The following ATP9B variants were observed in gnomAD, a reference collection of about 807,000 sequenced individuals.
The protein encoded by ATP9B is probable phospholipid-transporting ATPase IIB.
Under a neutral mutation model 146.1 loss-of-function variants are expected in ATP9B, and 110 were observed. That is an observed-to-expected ratio of 0.75 (90% confidence interval 0.65 to 0.88). The LOEUF (loss-of-function observed/expected upper bound fraction) is 0.88, where lower values mean the gene tolerates loss of function less well. Among genes scored for constraint, ATP9B ranks in the 40% least tolerant of loss-of-function variants. The probability of loss-of-function intolerance (pLI) is 0.00; values close to 1 mark genes in which losing one functional copy is unlikely to be tolerated. For synonymous variants in ATP9B, 604 were observed against 569.7 expected (o/e 1.06, Z -0.86); for missense variants, 1,499 against 1,496.4 (o/e 1.00, Z -0.03).
chr18:79,171,514 T>G (rs1025806567), intron 7 of ATP9B, among the ~76,000 whole-genome samples: 1 of 152,178 alleles, frequency 6.6e-6, no homozygotes, highest in Non-Finnish European at 1.5e-5. Context: ...TAATGACTCC[T>G]GGGAAGTTGC....
intron 5 of ATP9B, among the ~76,000 whole-genome samples, chr18:79,135,826 A>G (rs1040482159): frequency 6.6e-6 from 1 of 152,018 alleles, no homozygotes; most frequent in Non-Finnish European, 1.5e-5. Flanking sequence ...ATTTTTGTCT[A>G]CTGTGCAGAG....
At chr18:79,212,909 A>G (rs763914981) in intron 10 of ATP9B, among the ~76,000 whole-genome samples, 3 of 152,176 alleles carry the variant, frequency 2.0e-5, no homozygotes, top group Admixed American at 1.3e-4. Flanking sequence ...ATCTCCACAC[A>G]TATCCCTGCT....
chr18:79,142,914 T>C (rs1490030271), intron 5 of ATP9B, among the ~76,000 whole-genome samples: 2 of 152,222 alleles, frequency 1.3e-5, no homozygotes, highest in African/African-American at 2.4e-5. Context: ...TGTTAGTTTT[T>C]GATAGCTGTC....
intron 7 of ATP9B, among the ~76,000 whole-genome samples, chr18:79,156,560 T>C (rs181878343): frequency 4.5e-4 from 68 of 152,334 alleles, no homozygotes; most frequent in Non-Finnish European, 7.6e-4. Context: ...ATATAAACTA[T>C]TGTTAAGCAG....
At chr18:79,282,159 G>A (rs919857109) in intron 13 of ATP9B, among the ~76,000 whole-genome samples, 12 of 152,170 alleles carry the variant, frequency 7.9e-5, no homozygotes, top group South Asian at 2.1e-4. Flanking sequence ...TGCCTCTTAC[G>A]GATGAGCAAA....
In ATP9B at chr18:79,350,247, G is replaced by C. The variant is rs114061029; in HGVS notation, c.2903+2051G>C. 6.5e-3 allele frequency among the ~76,000 whole-genome samples: 985 copies of C among 152,324 alleles called. 9 individuals are homozygous for C. The highest frequency in any genetic ancestry group is 0.023 in the African/African-American group (940 of 41,574). On this transcript the variant is annotated intron_variant, in intron 25 of 29. Transcript: ENST00000426216. ...GTCCTGTGGTCTTAAAAATCACTTT[G>C]AATAAAGTAGGTAAGAGCCTAGGGA...
chr18:79,239,880 G>T lies in ATP9B; in HGVS notation c.1108-13501G>T, dbSNP rs115471429. 0.015 allele frequency among the ~76,000 whole-genome samples: 2,357 copies of T among 152,284 alleles called. 68 individuals carry two copies. Among genetic ancestry groups the T allele is most frequent in the African/African-American group, 0.054 (2,259 of 41,556 alleles). On this transcript the variant is annotated intron_variant, in intron 11 of 29. Coordinates refer to ENST00000426216, the MANE Select transcript of ATP9B (RefSeq NM_198531.5). The surrounding 1 kb of genome is among the most constrained non-coding windows in gnomAD (Gnocchi z 5.1). ...TGGCTGGGAGAGCATGGTTCCTGAG[G>T]GCTAAGCGTTCCCAAAGGATGAGCG...
chr18:79,335,878 C>G lies in ATP9B; in HGVS notation c.2029-750C>G, dbSNP rs574054391. On this transcript the variant is annotated intron_variant, in intron 17 of 29. Coordinates refer to ENST00000426216, the MANE Select transcript of ATP9B (RefSeq NM_198531.5). ...AAATGAGGTCGTTTGCCCAAAAACA[C>G]AAAGTCTGTGGCAGAAACAGGTTTC... 4.6e-5 allele frequency among the ~76,000 whole-genome samples: 7 copies of G among 152,332 alleles called. 1 individual carries two copies. Among genetic ancestry groups the G allele is most frequent in the African/African-American group, 1.7e-4 (7 of 41,564 alleles).
chr18:79,236,525 C>T (rs1407839323), intron 11 of ATP9B, among the ~76,000 whole-genome samples: 1 of 152,152 alleles, frequency 6.6e-6, no homozygotes. Flanking sequence ...CATGAAGATA[C>T]TCTCTCATAT....
intron 5 of ATP9B, among the ~76,000 whole-genome samples, chr18:79,139,483 TATC>T (rs1191203307): frequency 2.0e-5 from 3 of 152,234 alleles, no homozygotes; most frequent in African/African-American, 7.2e-5. Flanking sequence ...TCAGCTCCAT[TATC>T]ATCTTGTTTT....
At position 79,125,038 on chromosome 18, in the gene ATP9B, A is replaced by C. The variant is rs79998900; in HGVS notation, c.559-1229A>C. On this transcript the variant is annotated intron_variant, in intron 4 of 29. Coordinates refer to ENST00000426216, the MANE Select transcript of ATP9B (RefSeq NM_198531.5). ...AGGGCCTGGTGAACAATTGGAATGC[A>C]CAGAGGAATGGGAAGTTTCGTGAGA... 3.2e-3 allele frequency among the ~76,000 whole-genome samples: 494 copies of C among 152,346 alleles called. 4 individuals are homozygous for C. Among genetic ancestry groups the C allele is most frequent in the African/African-American group, 0.011 (464 of 41,578 alleles).
chr18:79,143,757 G>A (rs2094542743), intron 5 of ATP9B, 45 bp from the exon 6 acceptor site: 2 of 1,237,748 alleles, frequency 1.6e-6, no homozygotes, highest in South Asian at 1.5e-5. Flanking sequence ...GAACTTGGGT[G>A]TGCTGTTGTT....
rs368776584 is a variant in ATP9B at position 79,347,838 on chromosome 18, C to T, written c.2751C>T (p.Leu917=). ...ITQFRHIGRL[L]MVHGRNSYKR... is the part of the protein sequence containing the mutation. The stretch of plus-strand genomic sequence containing the variant: ...AGTTCCGGCACATAGGCAGGCTGCT[C>T]ATGGTGCACGGGCGGAACAGCTACA... The change falls in exon 24 of 30, where the codon CTC becomes CTT. Residue 917 remains leucine (L), a synonymous_variant. Transcript: ENST00000426216. 43 of 1,613,712 alleles carry T rather than the reference C, an allele frequency of 2.7e-5. No individual in the cohort carries two copies. The African/African-American group carries it at 5.1e-4, about 19-fold the overall frequency.
At chr18:79,199,382 C>T (rs1475671777) in intron 9 of ATP9B, among the ~76,000 whole-genome samples, 1 of 152,176 alleles carries the variant, frequency 6.6e-6, no homozygotes, top group East Asian at 1.9e-4. Flanking sequence ...CATTGTACAC[C>T]TGTACAAAAA....
At chr18:79,088,443 T>C (rs1205424587) in intron 1 of ATP9B, among the ~76,000 whole-genome samples, 1 of 152,250 alleles carries the variant, frequency 6.6e-6, no homozygotes, top group Non-Finnish European at 1.5e-5. Context: ...GAAAATATTA[T>C]TAATGTTTTA....
At chr18:79,356,111 G>A (rs1019789058) in intron 25 of ATP9B, among the ~76,000 whole-genome samples, 4 of 152,236 alleles carry the variant, frequency 2.6e-5, no homozygotes, top group Admixed American at 6.5e-5. Flanking sequence ...CTGTGTGTGA[G>A]GGGACGCACA....
At chr18:79,347,284 T>C (rs534122816) in intron 23 of ATP9B, among the ~76,000 whole-genome samples, 83 of 152,378 alleles carry the variant, frequency 5.4e-4, no homozygotes, top group African/African-American at 1.9e-3. Flanking sequence ...TTTCCTTGGC[T>C]ACTTCATTTT....
At chr18:79,075,622 T>A (rs906862090) in intron 1 of ATP9B, among the ~76,000 whole-genome samples, 1 of 152,214 alleles carries the variant, frequency 6.6e-6, no homozygotes, top group Non-Finnish European at 1.5e-5. Flanking sequence ...TATAGCTACC[T>A]CTGCTTTCCT....
intron 25 of ATP9B, chr18:79,354,634 G>A (rs543372355): frequency 4.1e-4 from 57 of 138,232 alleles, no homozygotes; most frequent in African/African-American, 1.6e-3. Context: ...CTTCCAGGAC[G>A]GTGGGAGGTG....
Sources: gnomAD v4.1 joint callset for allele counts (sites outside exome capture counted in the v4.1 genomes callset) on GRCh38, gnomAD v4.1.1 for gene constraint, Gnocchi (gnomAD v3.1) non-coding constraint, MANE v1.5 for transcripts, NCBI Gene and HGNC (gene_info 2026-07-23, HGNC 2026-07-21) for gene names.